CHEK2: variants seen among roughly 807,000 people sequenced by gnomAD.
CHEK2 encodes the protein checkpoint kinase 2.
Under a neutral mutation model 69.1 loss-of-function variants are expected in CHEK2, and 71 were observed. The observed-to-expected ratio is 1.03, with a 90% CI of 0.85 to 1.25. The LOEUF (loss-of-function observed/expected upper bound fraction) is 1.25, where lower values mean the gene tolerates loss of function less well. Ranked by LOEUF, CHEK2 falls within the 50% of genes most tolerant of loss-of-function variation. The pLI, the probability that CHEK2 is intolerant of heterozygous loss-of-function variation, is 0.00. For synonymous variants in CHEK2, 189 were observed against 226.9 expected (o/e 0.83, Z 1.50); for missense variants, 664 against 649.6 (o/e 1.02, Z -0.24).
rs1569149890 is a variant in CHEK2, at chr22:28,719,440, G to T, written c.638C>A (p.Pro213His). ...GATGTATTCATCTCTTAATGCCTTA[G>T]GATAAACTGACTGATCATCTACAGT... is the stretch of plus-strand genomic sequence containing the variant. ...DLTVDDQSVYPKALRDEYIMS... is the reference protein window; with the variant it reads ...DLTVDDQSVYHKALRDEYIMS... The change falls in exon 5 of 15, where the codon CCT becomes CAT. Residue 213 changes from proline to histidine, a missense_variant. Physicochemically the swap from Pro to His is moderately conservative, Grantham distance 77. Transcript: ENST00000404276. 1.3e-6 allele frequency: 2 copies of T among 1,598,302 alleles called. No individual in the cohort carries two copies. Among genetic ancestry groups the T allele is most frequent in the East Asian group, 4.5e-5 (2 of 44,618 alleles).
At chr22:28,739,361 TCAA>T (rs1206570194) in intron 1 of CHEK2, among the ~76,000 whole-genome samples, 2 of 149,414 alleles carry the variant, frequency 1.3e-5, no homozygotes, top group Admixed American at 1.3e-4. Context: ...AAAAAAATGC[TCAA>T]CATCACTGAT....
chr22:28,707,886 G>C (rs1028030166), intron 7 of CHEK2, among the ~76,000 whole-genome samples: 1 of 144,886 alleles, frequency 6.9e-6, no homozygotes, highest in African/African-American at 2.6e-5. Flanking sequence ...GCCCAGGCTG[G>C]AGTGCAGTGG....
chr22:28,725,270 G>A lies in CHEK2; in HGVS notation c.417C>T (p.Tyr139=), dbSNP rs200917541. The A allele has an allele frequency of 6.8e-6, 11 of 1,614,002 alleles. No homozygotes were observed. The highest frequency in any genetic ancestry group is 7.6e-6 in the Non-Finnish European group (9 of 1,180,034). Residue 139 remains tyrosine (Y), a synonymous_variant, in exon 3 of 15, where the codon TAC becomes TAT. Coordinates refer to ENST00000404276, the MANE Select transcript of CHEK2 (RefSeq NM_007194.4). ...LLKRTDKYRT[Y]SKKHFRIFRE... The stretch of plus-strand genomic sequence containing the variant: ...TGAAAATCCGAAAGTGTTTCTTGCT[G>A]TATGTTCGGTATTTATCTGTTCTTT...
intron 7 of CHEK2, 147 bp from the exon 8 acceptor site, chr22:28,703,713 G>A (rs1160581019): frequency 1.1e-5 from 7 of 645,836 alleles, no homozygotes; most frequent in Non-Finnish European, 1.7e-5. Context: ...TTCAATCAGG[G>A]GAGAAGGCAG....
intron 9 of CHEK2, 113 bp downstream of exon 9, chr22:28,699,725 C>T: frequency 2.4e-6 from 2 of 835,636 alleles, no homozygotes; most frequent in Non-Finnish European, 4.1e-6. Context: ...GAACAGCAAA[C>T]ACACAGATTC....
chr22:28,741,781 C>A lies in CHEK2; in HGVS notation c.-19G>T, dbSNP rs2054564722. Reference sequence around the variant, plus strand: ...CCATATGACTCACCGCGTGAGCCCACCTGGAGCCGCACACTCTCCGCAGCC... The same window carrying A: ...CCATATGACTCACCGCGTGAGCCCAACTGGAGCCGCACACTCTCCGCAGCC... On this transcript the variant is annotated 5_prime_UTR_variant, in exon 1 of 15. Coordinates refer to ENST00000404276, the MANE Select transcript of CHEK2 (RefSeq NM_007194.4). 1 of 469,458 alleles carries A rather than the reference C, an allele frequency of 2.1e-6. No homozygotes were observed. The highest frequency in any genetic ancestry group is 3.9e-6 in the Non-Finnish European group (1 of 257,170). The allele number at this position is 469,458 out of a possible 1,614,324, so 29.1% of individuals were successfully genotyped here.
At position 28,698,433 on chromosome 22, in the gene CHEK2, G is replaced by T. The variant is rs192377109; in HGVS notation, c.1008+1405C>A. ...AAATAAAAATAAATTTAAAAGGCTT[G>T]TGTTTATGGGCTTCAATCTTCTCTG... On this transcript the variant is annotated intron_variant, in intron 9 of 14. Coordinates refer to ENST00000404276, the MANE Select transcript of CHEK2 (RefSeq NM_007194.4). 2.6e-5 allele frequency among the ~76,000 whole-genome samples: 4 copies of T among 152,086 alleles called. No individual in the cohort carries two copies. The East Asian group carries it at 7.7e-4, about 29-fold the overall frequency.
chr22:28,696,985 G>T lies in CHEK2; in HGVS notation c.1011C>A (p.Tyr337Ter), dbSNP rs760502479. ...GGTGTATAATACCGTTTTCATGAAG[G>T]TACTACACAGAAAGGCAGGCATGAC... The part of the protein sequence containing the change: ...YFYQMLLAVQ[Y>*]LHENGIIHRD... The change falls in exon 10 of 15, where the codon TAC (tyrosine) becomes TAA (stop). Residue 337 changes from tyrosine (Y) to a stop codon, truncating the protein, a stop_gained and splice_region_variant. Transcript: ENST00000404276. LOFTEE classifies it high-confidence loss of function. 13 of 1,606,338 alleles carry T rather than the reference G, an allele frequency of 8.1e-6. No individual in the cohort carries two copies. The highest frequency in any genetic ancestry group is 1.3e-5 in the African/African-American group (1 of 74,896).
intron 5 of CHEK2, among the ~76,000 whole-genome samples, chr22:28,717,884 G>A (rs2053638670): frequency 6.6e-6 from 1 of 151,848 alleles, no homozygotes; most frequent in Non-Finnish European, 1.5e-5. Context: ...CCATTGCCTG[G>A]GCAACAAGAA....
At chr22:28,738,834 C>T (rs1432634636) in intron 1 of CHEK2, among the ~76,000 whole-genome samples, 1 of 152,070 alleles carries the variant, frequency 6.6e-6, no homozygotes, top group African/African-American at 2.4e-5. Flanking sequence ...TTCTGCACAG[C>T]CAAGGAAACA....
In CHEK2 at chr22:28,689,072, C is replaced by A. The variant is rs78525381; in HGVS notation, c.1542+63G>T. The A allele has an allele frequency of 5.7e-6, 5 of 878,172 alleles. No individual in the cohort carries two copies. The Admixed American group carries it at 8.3e-5, about 15-fold the overall frequency. The allele number at this position is 878,172 out of a possible 1,614,324, so 54.4% of individuals were successfully genotyped here. On this transcript the variant is annotated intron_variant, in intron 14 of 14. Coordinates refer to ENST00000404276, the MANE Select transcript of CHEK2 (RefSeq NM_007194.4). ...TACTCAGGAAAATCTTGAATTTCAT[C>A]ATCTTTGCTTATCAGCTCCTTAAGC... is the stretch of plus-strand genomic sequence containing the variant.
rs544251826 is a variant in CHEK2 at position 28,699,057 on chromosome 22, C to A, written c.1008+781G>T. ...CATCATTCTGTTGCCTAGACTGGAG[C>A]GCAGTGGCATGACTGTGGCTCACTG... On this transcript the variant is annotated intron_variant, in intron 9 of 14. Transcript: ENST00000404276. 6.6e-5 allele frequency among the ~76,000 whole-genome samples: 10 copies of A among 152,234 alleles called. 1 individual carries two copies. The highest frequency in any genetic ancestry group is 2.4e-4 in the African/African-American group (10 of 41,536).
intron 7 of CHEK2, among the ~76,000 whole-genome samples, chr22:28,706,785 G>C (rs2346876): frequency 2.0e-5 from 3 of 152,178 alleles, no homozygotes; most frequent in South Asian, 2.1e-4. Context: ...TGAGCCTGGT[G>C]GTGGGCGCCT....
rs191522776 is a variant in CHEK2, at chr22:28,718,037, C to T, written c.683+1358G>A. On this transcript the variant is annotated intron_variant, in intron 5 of 14. Transcript: ENST00000404276. ...CGGAGGTTGCAGTGGGCCAAGATCA[C>T]GCCACTGCACCTCAGTCTGAGTGAC... is the stretch of plus-strand genomic sequence containing the variant. Among the ~76,000 whole-genome samples, 42 of 152,226 alleles carry T rather than the reference C, an allele frequency of 2.8e-4. No individual in the cohort carries two copies. The East Asian group carries it at 7.1e-3, about 26-fold the overall frequency.
At chr22:28,736,710 C>T (rs2054417421) in intron 1 of CHEK2, among the ~76,000 whole-genome samples, 1 of 152,054 alleles carries the variant, frequency 6.6e-6, no homozygotes, top group South Asian at 2.1e-4. Flanking sequence ...GAGGCCAAGG[C>T]AAGAGGACCA....
At chr22:28,715,037 C>T (rs752920846) in intron 5 of CHEK2, among the ~76,000 whole-genome samples, 7 of 152,122 alleles carry the variant, frequency 4.6e-5, no homozygotes, top group Middle Eastern at 3.2e-3. Flanking sequence ...ATCATGCCAC[C>T]GCACTCCAGC....
chr22:28,740,986 T>C (rs1382882453), intron 1 of CHEK2, among the ~76,000 whole-genome samples: 1 of 151,764 alleles, frequency 6.6e-6, no homozygotes, highest in African/African-American at 2.4e-5. Context: ...TGAAACCTCG[T>C]CTCTACTAAA....
chr22:28,688,038 T>G, intron 14 of CHEK2, 52 bp from the exon 15 acceptor site: 1 of 1,383,314 alleles, frequency 7.2e-7, no homozygotes, highest in Non-Finnish European at 1.0e-6. Context: ...ACTGGCTTCT[T>G]TAAGATTATC....
At chr22:28,709,743 A>G (rs1259168773) in intron 7 of CHEK2, among the ~76,000 whole-genome samples, 1 of 152,000 alleles carries the variant, frequency 6.6e-6, no homozygotes, top group Non-Finnish European at 1.5e-5. Flanking sequence ...CAGCCTCCCA[A>G]GTAGTTGGGA....
Sources: gnomAD v4.1 joint callset for allele counts (sites outside exome capture counted in the v4.1 genomes callset) on GRCh38, gnomAD v4.1.1 for gene constraint, MANE v1.5 for transcripts, NCBI Gene and HGNC (gene_info 2026-07-23, HGNC 2026-07-21) for gene names.